Variants in HS3ST5 observed in about 807,000 individuals in gnomAD.
HS3ST5 encodes heparan sulfate glucosamine 3-O-sulfotransferase 5.
HS3ST5 carries 10 observed loss-of-function variants against 25.4 expected under a neutral mutation model. That is an observed-to-expected ratio of 0.39 (90% CI 0.24 to 0.67). HS3ST5 has a LOEUF of 0.67. Among genes scored for constraint, HS3ST5 ranks in the 30% least tolerant of loss-of-function variants. HS3ST5 has a pLI of 0.44. For synonymous variants in HS3ST5, 170 were observed against 162.4 expected (o/e 1.05, Z -0.36); for missense variants, 324 against 420.7 (o/e 0.77, Z 2.01).
At chr6:114,194,378 G>A (rs1780643148) in intron 2 of HS3ST5, among the ~76,000 whole-genome samples, 1 of 152,182 alleles carries the variant, frequency 6.6e-6, no homozygotes, top group African/African-American at 2.4e-5. Flanking sequence ...TCTGGAAACT[G>A]AGTTCCTGGC....
intron 1 of HS3ST5, among the ~76,000 whole-genome samples, chr6:114,296,570 G>A (rs1296793723): frequency 6.6e-6 from 1 of 152,122 alleles, no homozygotes; most frequent in Admixed American, 6.5e-5. Flanking sequence ...TATTCCGAAA[G>A]ATGTTGTTTT....
At chr6:114,239,107 G>A (rs1771988013) in intron 1 of HS3ST5, 2 of 152,198 alleles carry the variant, frequency 1.3e-5, no homozygotes, top group South Asian at 4.1e-4. Context: ...TCACAGGCAA[G>A]CTTTCAACTA....
chr6:114,269,228 G>T (rs1378649603), intron 1 of HS3ST5, among the ~76,000 whole-genome samples: 1 of 152,116 alleles, frequency 6.6e-6, no homozygotes, highest in Non-Finnish European at 1.5e-5. Flanking sequence ...CATTTTGTGG[G>T]TAAGAAAACA....
intron 1 of HS3ST5, among the ~76,000 whole-genome samples, chr6:114,255,050 G>A (rs894535436): frequency 7.9e-5 from 12 of 152,166 alleles, no homozygotes; most frequent in African/African-American, 2.9e-4. Context: ...AGTCTCATCT[G>A]AGACAATGCT....
intron 3 of HS3ST5, among the ~76,000 whole-genome samples, chr6:114,068,898 A>T (rs900332501): frequency 6.6e-6 from 1 of 152,216 alleles, no homozygotes; most frequent in Admixed American, 6.5e-5. Flanking sequence ...CAGACACGGT[A>T]TCTTGGCTGA....
At chr6:114,302,033 A>C (rs374099232) in intron 1 of HS3ST5, among the ~76,000 whole-genome samples, 4 of 152,228 alleles carry the variant, frequency 2.6e-5, no homozygotes, top group African/African-American at 9.6e-5. Flanking sequence ...GCTGCAAATC[A>C]TACTGTCTGC....
At chr6:114,229,289 G>A (rs926748605) in intron 1 of HS3ST5, among the ~76,000 whole-genome samples, 1 of 152,142 alleles carries the variant, frequency 6.6e-6, no homozygotes, top group Non-Finnish European at 1.5e-5. Flanking sequence ...GCCTATTCGG[G>A]AAAACCAAAA....
At chr6:114,234,671 C>A (rs1049112385) in intron 1 of HS3ST5, among the ~76,000 whole-genome samples, 5 of 152,106 alleles carry the variant, frequency 3.3e-5, no homozygotes, top group African/African-American at 7.2e-5. Context: ...CCTTTTCTGA[C>A]ATGCTTCTTT....
intron 3 of HS3ST5, among the ~76,000 whole-genome samples, chr6:114,063,580 C>A (rs1485746854): frequency 1.3e-5 from 2 of 151,720 alleles, no homozygotes; most frequent in Admixed American, 6.6e-5. Flanking sequence ...GAAGGCTCTG[C>A]TTCAGAATAA....
chr6:114,322,400 C>T (rs1037193633), intron 1 of HS3ST5, among the ~76,000 whole-genome samples: 10 of 151,962 alleles, frequency 6.6e-5, no homozygotes, highest in African/African-American at 2.2e-4. Flanking sequence ...GACAGGTGGG[C>T]CTGCTTTTTC....
chr6:114,194,028 T>C (rs192020352), intron 2 of HS3ST5, among the ~76,000 whole-genome samples: 53 of 152,304 alleles, frequency 3.5e-4, no homozygotes, highest in African/African-American at 1.3e-3. Context: ...AGGTACCTTA[T>C]GTACATACTT....
At chr6:114,071,968 G>T (rs1362402202) in intron 3 of HS3ST5, among the ~76,000 whole-genome samples, 1 of 152,114 alleles carries the variant, frequency 6.6e-6, no homozygotes, top group African/African-American at 2.4e-5. Flanking sequence ...TGATAGAAGT[G>T]GGGCAGTGGG....
At chr6:114,131,518 G>GA (rs1228792438) in intron 3 of HS3ST5, among the ~76,000 whole-genome samples, 2 of 152,098 alleles carry the variant, frequency 1.3e-5, no homozygotes, top group Non-Finnish European at 2.9e-5. Flanking sequence ...GCCATATAGA[G>GA]AAAAAAGTGT....
At chr6:114,250,309 C>T (rs923321711) in intron 1 of HS3ST5, among the ~76,000 whole-genome samples, 2 of 152,162 alleles carry the variant, frequency 1.3e-5, no homozygotes, top group African/African-American at 2.4e-5. Context: ...AGGCTGGGCA[C>T]GATGGCTCAG....
At chr6:114,330,623 G>A (rs1776355257) in intron 1 of HS3ST5, among the ~76,000 whole-genome samples, 2 of 152,144 alleles carry the variant, frequency 1.3e-5, no homozygotes, top group Admixed American at 6.5e-5. Context: ...CCAGCTCCAC[G>A]CTCACAGAGG....
At chr6:114,247,369 T>C (rs1772430866) in intron 1 of HS3ST5, among the ~76,000 whole-genome samples, 3 of 152,134 alleles carry the variant, frequency 2.0e-5, no homozygotes, top group Non-Finnish European at 4.4e-5. Flanking sequence ...TACTTGTACC[T>C]TAGTGATGAA....
At chr6:114,232,768 A>G (rs562367159) in intron 1 of HS3ST5, among the ~76,000 whole-genome samples, 82 of 152,134 alleles carry the variant, frequency 5.4e-4, no homozygotes, top group African/African-American at 1.8e-3. Flanking sequence ...TTACTTCCTA[A>G]ATAATTTTCA....
chr6:114,131,354 A>G (rs1777322388), intron 3 of HS3ST5: 1 of 152,236 alleles, frequency 6.6e-6, no homozygotes, highest in Non-Finnish European at 1.5e-5. Context: ...TTGCTTTCTT[A>G]AAATGTTATA....
At chr6:114,276,829 C>A (rs1773877938) in intron 1 of HS3ST5, among the ~76,000 whole-genome samples, 3 of 151,858 alleles carry the variant, frequency 2.0e-5, no homozygotes, top group Admixed American at 2.0e-4. Flanking sequence ...CTACTTGATC[C>A]ACATAACCTA....
Sources: allele counts gnomAD v4.1 joint callset (sites outside exome capture counted in the v4.1 genomes callset), GRCh38; gene constraint gnomAD v4.1.1; transcripts MANE v1.5; gene names NCBI Gene and HGNC (gene_info 2026-07-23, HGNC 2026-07-21).